EBF3: variants seen among roughly 807,000 people sequenced by gnomAD.
EBF3 encodes EBF transcription factor 3.
Under a neutral mutation model 77.1 loss-of-function variants are expected in EBF3, and 18 were observed. The ratio of observed to expected loss-of-function variants is 0.23; its 90% CI spans 0.16 to 0.35. The LOEUF is 0.35. Ranked by LOEUF, EBF3 falls within the 10% of genes least tolerant of loss-of-function variation. EBF3 has a pLI of 1.00. For missense variants in EBF3, 558 were observed against 860.0 expected (o/e 0.65, Z 4.39); for synonymous variants, 350 against 343.5 (o/e 1.02, Z -0.21).
At position 129,963,903 on chromosome 10, in the gene EBF3, C is replaced by T; in HGVS notation, c.-135G>A. ...GCCTGCGGTCCGGCCCCGCCGCCGG[C>T]TTCAGCCCGTCCCGGGCAGGCGCGA... On this transcript the variant is annotated 5_prime_UTR_variant, in exon 1 of 17. Coordinates refer to ENST00000440978, the MANE Select transcript of EBF3 (RefSeq NM_001375380.1). This position sits in a 1 kb window ranked among gnomAD's most constrained non-coding sequence, Gnocchi z 7.1. The T allele has an allele frequency of 8.8e-7, 1 of 1,142,798 alleles. No homozygotes were observed. Among genetic ancestry groups the T allele is most frequent in the Non-Finnish European group, 1.1e-6 (1 of 933,288 alleles). 70.8% of individuals were successfully genotyped at this position (1,142,798 alleles called of 1,614,324 possible). A position where few individuals can be genotyped will look rare whatever the true frequency, so the allele number is the denominator to read the frequency against.
chr10:129,951,439 C>T (rs1338953154), intron 6 of EBF3, among the ~76,000 whole-genome samples: 4 of 152,254 alleles, frequency 2.6e-5, no homozygotes, highest in Non-Finnish European at 5.9e-5. Flanking sequence ...CACCCCTGCA[C>T]GTTCATACCC....
chr10:129,871,444 G>A (rs566107457), intron 8 of EBF3, among the ~76,000 whole-genome samples: 2 of 152,310 alleles, frequency 1.3e-5, no homozygotes, highest in South Asian at 4.1e-4. Flanking sequence ...ACACACTGCT[G>A]GTGAATATTA....
At chr10:129,865,560 T>C (rs1343334532) in intron 10 of EBF3, among the ~76,000 whole-genome samples, 1 of 152,044 alleles carries the variant, frequency 6.6e-6, no homozygotes, top group African/African-American at 2.4e-5. Context: ...AGGCACTGCC[T>C]CTCCCATCCT....
rs1429610128 is a variant in EBF3, at chr10:129,840,917, G to T, written c.1488C>A (p.Gly496=). The change falls in exon 14 of 17, where the codon GGC becomes GGA. Residue 496 remains glycine (G), a synonymous_variant. Coordinates refer to ENST00000440978, the MANE Select transcript of EBF3 (RefSeq NM_001375380.1). ...CAGGGACCCCTAGACTGGCCATGGC[G>T]CCACTTCCATATCCATTCATGCTAG... ...VSTSMNGYGS[G]AMASLGVPGS... 6.2e-7 allele frequency: 1 copy of T among 1,614,106 alleles called. No individual in the cohort carries two copies. Among genetic ancestry groups the T allele is most frequent in the South Asian group, 1.1e-5 (1 of 91,084 alleles).
Position 129,964,193 on chromosome 10 carries a change from G to A in EBF3, c.-425C>T, listed in dbSNP as rs368445324. 3.0e-6 allele frequency: 3 copies of A among 984,826 alleles called. No individual in the cohort carries two copies. The highest frequency in any genetic ancestry group is 3.6e-6 in the Non-Finnish European group (3 of 829,794). 61.0% of individuals were successfully genotyped at this position (984,826 alleles called of 1,614,324 possible). A position where few individuals can be genotyped will look rare whatever the true frequency, so the allele number is the denominator to read the frequency against. On this transcript the variant is annotated 5_prime_UTR_variant, in exon 1 of 17. Coordinates refer to ENST00000440978, the MANE Select transcript of EBF3 (RefSeq NM_001375380.1). The surrounding 1 kb of genome is among the most constrained non-coding windows in gnomAD (Gnocchi z 4.5). ...TGAGTGCTGCGGCGCAGTCCCGGGC[G>A]CAGGCGGGGCGCGGCGGGGCCTGGA... is the stretch of plus-strand genomic sequence containing the variant.
chr10:129,916,500 C>T (rs185285638), intron 6 of EBF3, among the ~76,000 whole-genome samples: 8 of 152,290 alleles, frequency 5.3e-5, no homozygotes, highest in South Asian at 4.2e-4. Context: ...CGGGGCATCT[C>T]GTGTTGTTTC....
intron 6 of EBF3, among the ~76,000 whole-genome samples, chr10:129,882,219 C>T (rs535590057): frequency 5.2e-4 from 79 of 152,350 alleles, no homozygotes; most frequent in South Asian, 1.0e-3. Context: ...GTGTTAGGCT[C>T]CTGTGTAATA....
At chr10:129,878,505 C>T (rs1424464507) in intron 6 of EBF3, among the ~76,000 whole-genome samples, 1 of 151,816 alleles carries the variant, frequency 6.6e-6, no homozygotes, top group Non-Finnish European at 1.5e-5. Flanking sequence ...CCCATCTCTA[C>T]TAAAAATACA....
At chr10:129,921,815 T>C (rs1040865099) in intron 6 of EBF3, among the ~76,000 whole-genome samples, 14 of 152,128 alleles carry the variant, frequency 9.2e-5, no homozygotes, top group African/African-American at 3.4e-4. Flanking sequence ...CACCCTCAAA[T>C]GCTGAGGCCT....
At chr10:129,838,708 G>A (rs912047406) in intron 16 of EBF3, among the ~76,000 whole-genome samples, 17 of 152,254 alleles carry the variant, frequency 1.1e-4, no homozygotes, top group African/African-American at 4.1e-4. Flanking sequence ...TACCGCTGGT[G>A]TTGTTTAATT....
chr10:129,910,894 C>A (rs1381161613), intron 6 of EBF3, among the ~76,000 whole-genome samples: 2 of 152,194 alleles, frequency 1.3e-5, no homozygotes, highest in African/African-American at 4.8e-5. Flanking sequence ...GCTGCCACAG[C>A]CTGGCATATC....
At chr10:129,960,950 C>T (rs1307093547) in intron 4 of EBF3, among the ~76,000 whole-genome samples, 1 of 152,226 alleles carries the variant, frequency 6.6e-6, no homozygotes, top group Non-Finnish European at 1.5e-5. Flanking sequence ...CACACCGCCT[C>T]TGTCTTTGTC....
At chr10:129,939,453 C>T (rs1857578626) in intron 6 of EBF3, among the ~76,000 whole-genome samples, 1 of 152,248 alleles carries the variant, frequency 6.6e-6, no homozygotes, top group South Asian at 2.1e-4. Flanking sequence ...AAACACGTGA[C>T]CGTTCCTCTG....
intron 5 of EBF3, among the ~76,000 whole-genome samples, chr10:129,958,314 G>A (rs550010098): frequency 6.6e-5 from 10 of 152,156 alleles, no homozygotes; most frequent in Admixed American, 2.0e-4. Context: ...TATTTCACAT[G>A]CCACACATAC....
intron 11 of EBF3, among the ~76,000 whole-genome samples, chr10:129,845,043 A>G (rs900979751): frequency 2.0e-5 from 3 of 152,314 alleles, no homozygotes; most frequent in African/African-American, 7.2e-5. Context: ...GTACTTTGCA[A>G]TTGGAACATA....
At position 129,848,734 on chromosome 10, in the gene EBF3, T is replaced by C. The variant is rs1850647743; in HGVS notation, c.1040-254A>G. On this transcript the variant is annotated intron_variant, in intron 10 of 16. Transcript: ENST00000440978. This position sits in a 1 kb window ranked among gnomAD's most constrained non-coding sequence, Gnocchi z 4.4. ...GTGACTCAATATATTGTAAAAATGG[T>C]AGTGCAGTCACAAAGTTACAGGTCT... Among the ~76,000 whole-genome samples the C allele has an allele frequency of 6.6e-6, 1 of 152,180 alleles. No individual in the cohort carries two copies. Among genetic ancestry groups the C allele is most frequent in the Non-Finnish European group, 1.5e-5 (1 of 68,036 alleles).
In EBF3 at chr10:129,837,581, C is replaced by A. The variant is rs1849687476; in HGVS notation, c.*362G>T. On this transcript the variant is annotated 3_prime_UTR_variant, in exon 17 of 17. Transcript: ENST00000440978. ...CATGATCATCAAAATGGTGCATTCA[C>A]AAAGTTTCTCCCAACACATAGCAAT... The A allele has an allele frequency of 4.2e-6, 1 of 238,702 alleles. No individual in the cohort carries two copies. The highest frequency in any genetic ancestry group is 1.0e-4 in the East Asian group (1 of 9,880). The allele number at this position is 238,702 out of a possible 1,614,324, so 14.8% of individuals were successfully genotyped here.
chr10:129,875,683 G>GC (rs1852728874), intron 7 of EBF3, among the ~76,000 whole-genome samples: 1 of 152,194 alleles, frequency 6.6e-6, no homozygotes, highest in Admixed American at 6.5e-5. Flanking sequence ...ATAAGTGCTG[G>GC]CCCAGCATCC....
In EBF3 at chr10:129,900,687, T is replaced by G. The variant is rs145107852; in HGVS notation, c.555-22838A>C. 5.6e-3 allele frequency among the ~76,000 whole-genome samples: 850 copies of G among 152,402 alleles called. 7 individuals are homozygous for G. The highest frequency in any genetic ancestry group is 0.019 in the African/African-American group (776 of 41,604). On this transcript the variant is annotated intron_variant, in intron 6 of 16. Transcript: ENST00000440978. ...TTTCCTAAACAGCCCCCAACATTGA[T>G]GGTGCTGTAGCCAGGCTTTGCCTGT...
Sources: allele counts gnomAD v4.1 joint callset (sites outside exome capture counted in the v4.1 genomes callset), GRCh38; gene constraint gnomAD v4.1.1; non-coding constraint Gnocchi (gnomAD v3.1); transcripts MANE v1.5; gene names NCBI Gene and HGNC (gene_info 2026-07-23, HGNC 2026-07-21).